C4orf51: variants seen among roughly 807,000 people sequenced by gnomAD.
C4orf51 encodes uncharacterized protein C4orf51.
Under a neutral mutation model 25.2 loss-of-function variants are expected in C4orf51, and 25 were observed. That is an observed-to-expected ratio of 0.99 (90% confidence interval 0.72 to 1.39). C4orf51 has a LOEUF of 1.39. C4orf51 is among the 40% of genes most tolerant of loss of function. The pLI is 0.00. For synonymous variants in C4orf51, 100 were observed against 84.5 expected (o/e 1.18, Z -1.01); for missense variants, 252 against 239.6 (o/e 1.05, Z -0.34).
At chr4:145,767,419 T>TTGGA in intron 1 of C4orf51, among the ~76,000 whole-genome samples, 1 of 152,274 alleles carries the variant, frequency 6.6e-6, no homozygotes, top group Non-Finnish European at 1.5e-5. Context: ...ATAAGTTTAA[T>TTGGA]TGGAATCCCT....
At chr4:145,779,129 C>T in the C4orf51 span, among the ~76,000 whole-genome samples, 1 of 152,150 alleles carries the variant, frequency 6.6e-6, no homozygotes, top group African/African-American at 2.4e-5. Context: ...AGGAATTTTA[C>T]CTGAATAAAC....
rs1451940113 is a variant in C4orf51 at position 145,761,632 on chromosome 4, C to T, written n.167-9356C>T. 5.0e-6 allele frequency: 6 copies of T among 1,199,872 alleles called. No homozygotes were observed. Among genetic ancestry groups the T allele is most frequent in the South Asian group, 2.8e-5 (2 of 70,344 alleles). 74.3% of individuals were successfully genotyped at this position (1,199,872 alleles called of 1,614,324 possible). ...GAAAGCAACGCAAGGGAGGTTCAGC[C>T]GGGAAGGTTCGGAGGCAGCCGCGCT... On this transcript the variant is annotated intron_variant and non_coding_transcript_variant, in intron 1 of 1. Coordinates refer to the C4orf51 transcript ENST00000510096. This position sits in a 1 kb window ranked among gnomAD's most constrained non-coding sequence, Gnocchi z 6.8.
At chr4:145,727,727 A>G (rs1192485134) in intron 3 of C4orf51, among the ~76,000 whole-genome samples, 1 of 148,934 alleles carries the variant, frequency 6.7e-6, no homozygotes, top group Non-Finnish European at 1.5e-5. Flanking sequence ...AAAAAAAAAT[A>G]CAAAATTAGC....
chr4:145,716,232 A>G (rs1731405816), intron 2 of C4orf51, among the ~76,000 whole-genome samples: 1 of 152,070 alleles, frequency 6.6e-6, no homozygotes, highest in South Asian at 2.1e-4. Flanking sequence ...GACCTTTCTC[A>G]TGGTGACCTG....
chr4:145,728,954 C>T lies in C4orf51; in HGVS notation c.367-215C>T, dbSNP rs1469487550. 2.0e-5 allele frequency among the ~76,000 whole-genome samples: 3 copies of T among 151,576 alleles called. No individual in the cohort carries two copies. In the East Asian group the frequency reaches 5.8e-4, roughly 29 times the overall value. On this transcript the variant is annotated intron_variant, in intron 3 of 5. Transcript: ENST00000438731. ...TGAGACAGGGTCTTGCTATGTTGCC[C>T]TGGCTGGCTTTGAACTCCTGGGCTT... is the stretch of plus-strand genomic sequence containing the variant.
chr4:145,698,528 A>G (rs1018503575), intron 2 of C4orf51, among the ~76,000 whole-genome samples: 6 of 152,218 alleles, frequency 3.9e-5, no homozygotes, highest in African/African-American at 1.4e-4. Context: ...GGGTTTTGAT[A>G]AAGGGATGTG....
intron 2 of C4orf51, among the ~76,000 whole-genome samples, chr4:145,725,679 A>G (rs749541350): frequency 1.3e-5 from 2 of 152,220 alleles, no homozygotes; most frequent in Non-Finnish European, 2.9e-5. Flanking sequence ...GAAGTCAGAC[A>G]TACAAGATCA....
chr4:145,753,153 T>TGCCAC (rs1733772918), intron 1 of C4orf51, among the ~76,000 whole-genome samples: 2 of 148,820 alleles, frequency 1.3e-5, no homozygotes, highest in African/African-American at 5.2e-5. Context: ...TGTGTGTGTG[T>TGCCAC]GTGTGTGTGT....
chr4:145,688,784 A>C (rs555222051), intron 1 of C4orf51, among the ~76,000 whole-genome samples: 18 of 152,342 alleles, frequency 1.2e-4, no homozygotes, highest in African/African-American at 3.8e-4. Flanking sequence ...TATAGATTTT[A>C]TACAGTTCCA....
chr4:145,682,532 T>C (rs1728902410), intron 1 of C4orf51, among the ~76,000 whole-genome samples: 1 of 152,164 alleles, frequency 6.6e-6, no homozygotes, highest in Admixed American at 6.5e-5. Context: ...TCATTTAAAG[T>C]GGGTTAAGTC....
chr4:145,772,642 T>C (rs1736459644), downstream of C4orf51, among the ~76,000 whole-genome samples: 1 of 152,230 alleles, frequency 6.6e-6, no homozygotes, highest in Non-Finnish European at 1.5e-5. Flanking sequence ...CCTGAAAGCC[T>C]AAAATATTTA....
chr4:145,761,618 A>C lies in C4orf51; in HGVS notation n.167-9370A>C. ...GGGCACCTGCCGGGGAAAGCAACGC[A>C]AGGGAGGTTCAGCCGGGAAGGTTCG... On this transcript the variant is annotated intron_variant and non_coding_transcript_variant, in intron 1 of 1. Coordinates refer to the C4orf51 transcript ENST00000510096. The surrounding 1 kb of genome is among the most constrained non-coding windows in gnomAD (Gnocchi z 6.8). 2 of 1,231,010 alleles carry C rather than the reference A, an allele frequency of 1.6e-6. No individual in the cohort carries two copies. Among genetic ancestry groups the C allele is most frequent in the African/African-American group, 3.1e-5 (2 of 64,976 alleles). 76.3% of individuals were successfully genotyped at this position (1,231,010 alleles called of 1,614,324 possible).
chr4:145,776,780 G>GA, the C4orf51 span, among the ~76,000 whole-genome samples: 6 of 152,102 alleles, frequency 3.9e-5, no homozygotes, highest in Non-Finnish European at 8.8e-5. Flanking sequence ...AAATTAAGGG[G>GA]AAAAAATGCT....
At chr4:145,769,825 A>G (rs922613449) in intron 1 of C4orf51, among the ~76,000 whole-genome samples, 31 of 152,228 alleles carry the variant, frequency 2.0e-4, no homozygotes, top group Non-Finnish European at 4.0e-4. Flanking sequence ...AAACAAAACA[A>G]AACCCCTAAA....
chr4:145,707,701 T>C (rs112432826), intron 2 of C4orf51, among the ~76,000 whole-genome samples: 119 of 152,328 alleles, frequency 7.8e-4, no homozygotes, highest in African/African-American at 2.7e-3. Flanking sequence ...TATAAAGGGA[T>C]GTGAATTTTT....
At chr4:145,766,703 C>T (rs1735356378) in intron 1 of C4orf51, among the ~76,000 whole-genome samples, 1 of 152,074 alleles carries the variant, frequency 6.6e-6, no homozygotes, top group Non-Finnish European at 1.5e-5. Flanking sequence ...AAGAGACTAC[C>T]CATAGTTGGA....
intron 4 of C4orf51, among the ~76,000 whole-genome samples, chr4:145,729,493 G>C (rs1732325676): frequency 6.6e-6 from 1 of 151,860 alleles, no homozygotes; most frequent in Non-Finnish European, 1.5e-5. Flanking sequence ...AGTAGAGACG[G>C]GGTTTCACCG....
At chr4:145,757,853 G>T (rs1183755208), downstream of C4orf51, 7 of 152,014 alleles carry the variant, frequency 4.6e-5, no homozygotes, top group African/African-American at 1.7e-4. Flanking sequence ...GTTAAAAAAA[G>T]GATAGAAGAA....
intron 1 of C4orf51, among the ~76,000 whole-genome samples, chr4:145,745,051 GAA>G (rs1288638368): frequency 6.6e-6 from 1 of 151,984 alleles, no homozygotes; most frequent in Non-Finnish European, 1.5e-5. Context: ...ATAGAACAAA[GAA>G]AAAATGAAAA....
Sources: gnomAD v4.1 joint callset for allele counts (sites outside exome capture counted in the v4.1 genomes callset) on GRCh38, gnomAD v4.1.1 for gene constraint, Gnocchi (gnomAD v3.1) non-coding constraint, MANE v1.5 for transcripts, NCBI Gene and HGNC (gene_info 2026-07-23, HGNC 2026-07-21) for gene names.